The following ANKRD44 variants were observed in gnomAD, a reference collection of about 807,000 sequenced individuals.
ANKRD44 encodes serine/threonine-protein phosphatase 6 regulatory ankyrin repeat subunit B.
ANKRD44 carries 35 observed loss-of-function variants against 116.0 expected under a neutral mutation model. The observed-to-expected ratio is 0.30, with a 90% CI of 0.23 to 0.40. ANKRD44 has a LOEUF of 0.40. ANKRD44 is among the 10% of genes least tolerant of loss of function. The probability of loss-of-function intolerance (pLI) is 1.00; values close to 1 mark genes in which losing one functional copy is unlikely to be tolerated. For synonymous variants in ANKRD44, 435 were observed against 461.8 expected, an observed-to-expected ratio of 0.94 and a Z score of 0.74; for missense variants, 1,014 against 1,242.6, an observed-to-expected ratio of 0.82 and a Z score of 2.77.
chr2:197,241,082 C>T (rs2082080939), intron 1 of ANKRD44, among the ~76,000 whole-genome samples: 2 of 152,064 alleles, frequency 1.3e-5, no homozygotes, highest in Admixed American at 1.3e-4. Flanking sequence ...CACATCTTCT[C>T]TCTTTTTGGC....
At chr2:197,024,945 T>A (rs1413256334) in intron 17 of ANKRD44, among the ~76,000 whole-genome samples, 2 of 152,220 alleles carry the variant, frequency 1.3e-5, no homozygotes, top group African/African-American at 4.8e-5. Context: ...TCTCTTTTCA[T>A]TTGCCCTCAT....
intron 16 of ANKRD44, among the ~76,000 whole-genome samples, chr2:197,027,355 C>G (rs1016660272): frequency 2.0e-5 from 3 of 152,080 alleles, no homozygotes; most frequent in African/African-American, 4.8e-5. Flanking sequence ...GAGCCAGACT[C>G]TGTCTCAAGA....
intron 15 of ANKRD44, 138 bp from the exon 16 acceptor site, chr2:197,078,952 GT>G: frequency 1.7e-6 from 1 of 598,548 alleles, no homozygotes; most frequent in Non-Finnish European, 2.6e-6. Flanking sequence ...CAGCAATGAA[GT>G]TTTATGTGTT....
chr2:197,183,243 G>A (rs536836961), intron 2 of ANKRD44, among the ~76,000 whole-genome samples: 5 of 152,272 alleles, frequency 3.3e-5, no homozygotes, highest in African/African-American at 9.6e-5. Flanking sequence ...AAAGCGTGGA[G>A]AGGTGAGGGC....
At chr2:197,187,238 G>A in intron 1 of ANKRD44, 132 bp from the exon 2 acceptor site, 1 of 803,702 alleles carries the variant, frequency 1.2e-6, no homozygotes, top group Admixed American at 2.2e-5. Flanking sequence ...AGATGAATAA[G>A]ACTCAGACCA....
chr2:197,170,181 C>T (rs1227094181), intron 2 of ANKRD44, among the ~76,000 whole-genome samples: 1 of 85,826 alleles, frequency 1.2e-5, no homozygotes, highest in Non-Finnish European at 2.3e-5. Flanking sequence ...TAGAACAAGA[C>T]CCTGTTTCCA....
chr2:197,005,859 A>C lies in ANKRD44; in HGVS notation c.2182T>G (p.Ser728Ala). ...CCTCTGGAATCTTTACAGAGAATTG[A>C]CACTTCTTGTTCCAGCAGCATTTGC... is the stretch of plus-strand genomic sequence containing the variant. ...CVQMLLEQEV[S>A]ILCKDSRGRT... The change falls in exon 21 of 28, where the codon TCA becomes GCA. Residue 728 changes from serine to alanine, a missense_variant. Ser to Ala is a moderately conservative substitution (Grantham distance 99, BLOSUM62 1). Coordinates refer to ENST00000282272, the MANE Select transcript of ANKRD44 (RefSeq NM_001195144.2). 1 of 1,614,252 alleles carries C rather than the reference A, an allele frequency of 6.2e-7. No individual in the cohort carries two copies. Among genetic ancestry groups the C allele is most frequent in the Non-Finnish European group, 8.5e-7 (1 of 1,180,042 alleles).
At chr2:197,072,622 T>C (rs534369719) in intron 16 of ANKRD44, among the ~76,000 whole-genome samples, 127 of 152,334 alleles carry the variant, frequency 8.3e-4, no homozygotes, top group African/African-American at 3.0e-3. Flanking sequence ...GTATTTCACT[T>C]GTTCAACAAC....
At chr2:197,271,693 C>T (rs930984751) in intron 1 of ANKRD44, among the ~76,000 whole-genome samples, 9 of 151,956 alleles carry the variant, frequency 5.9e-5, no homozygotes, top group South Asian at 2.1e-4. Context: ...TGGAGTGCAG[C>T]CTCAACCTCC....
intron 2 of ANKRD44, among the ~76,000 whole-genome samples, chr2:197,185,498 A>G (rs117019911): frequency 0.02 from 2,981 of 152,310 alleles, 49 homozygotes; most frequent in South Asian, 0.036. Flanking sequence ...GACTTTAAAG[A>G]GAACTCCTCT....
At chr2:197,006,656 A>G (rs560907644) in intron 20 of ANKRD44, among the ~76,000 whole-genome samples, 4 of 152,322 alleles carry the variant, frequency 2.6e-5, no homozygotes, top group Non-Finnish European at 5.9e-5. Flanking sequence ...CTTGTTGTAC[A>G]GCACACAGGA....
chr2:197,157,351 C>G (rs1464861892), intron 2 of ANKRD44, among the ~76,000 whole-genome samples: 1 of 152,114 alleles, frequency 6.6e-6, no homozygotes, highest in East Asian at 1.9e-4. Context: ...AAAGAATGGC[C>G]TGTTGGCTTA....
rs2083145692 is a variant in ANKRD44, at chr2:197,278,109, G to A, written c.27+32469C>T. Among the ~76,000 whole-genome samples, 8 of 152,080 alleles carry A rather than the reference G, an allele frequency of 5.3e-5. No individual in the cohort carries two copies. The South Asian group carries it at 1.7e-3, about 31-fold the overall frequency. ...AAGGCAGCAAATTAGCTAATAGTGA[G>A]TGACTGCAGCAATCAGGACAGTATC... On this transcript the variant is annotated intron_variant, in intron 1 of 27. Coordinates refer to ENST00000282272, the MANE Select transcript of ANKRD44 (RefSeq NM_001195144.2).
At position 197,110,844 on chromosome 2, in the gene ANKRD44, T is replaced by C. The variant is rs761256455; in HGVS notation, c.907A>G (p.Ser303Gly). Residue 303 changes from serine (S) to glycine (G), a missense_variant and splice_region_variant, in exon 9 of 28, where the codon AGT (serine) becomes GGT (glycine). Transcript: ENST00000282272. ...VNNGADVNIQ[S>G]KDGKSPLHMT... ...TGCAGTGGACTTTTGCCATCTTTAC[T>C]CTAAAAAAAAGAGAGGGAGAGAAAA... The C allele has an allele frequency of 9.3e-6, 15 of 1,613,340 alleles. No homozygotes were observed. In the South Asian group the frequency reaches 1.5e-4, roughly 17 times the overall value.
At chr2:197,039,680 CGTGTGTGTGTGTGTGTGTGT>C (rs10535447) in intron 16 of ANKRD44, among the ~76,000 whole-genome samples, 25 of 141,554 alleles carry the variant, frequency 1.8e-4, no homozygotes, top group African/African-American at 5.3e-4. Flanking sequence ...TGTGTGTGTG[CGTGTGTGTGTGTGTGTGTGT>C]GTGTGTGTGT....
intron 16 of ANKRD44, among the ~76,000 whole-genome samples, chr2:197,038,440 A>T (rs2076847277): frequency 6.6e-6 from 1 of 152,240 alleles, no homozygotes; most frequent in South Asian, 2.1e-4. Flanking sequence ...ATAACTGAAA[A>T]ATGGTCTAGG....
At chr2:197,265,470 C>T (rs1433264331) in intron 1 of ANKRD44, among the ~76,000 whole-genome samples, 6 of 152,150 alleles carry the variant, frequency 3.9e-5, no homozygotes, top group Admixed American at 2.0e-4. Flanking sequence ...TGGTCTCGAA[C>T]TCTTGACCTC....
chr2:197,205,091 T>A (rs1193546274), intron 1 of ANKRD44, among the ~76,000 whole-genome samples: 2 of 152,234 alleles, frequency 1.3e-5, no homozygotes, highest in African/African-American at 2.4e-5. Context: ...AGCTCCCAAT[T>A]GTGGCTGCAC....
chr2:197,052,644 C>G (rs962333729), intron 16 of ANKRD44, among the ~76,000 whole-genome samples: 5 of 152,084 alleles, frequency 3.3e-5, no homozygotes, highest in Admixed American at 1.3e-4. Flanking sequence ...GTATATAGCT[C>G]TGCCAAATAA....
Sources: allele counts gnomAD v4.1 joint callset (sites outside exome capture counted in the v4.1 genomes callset), GRCh38; gene constraint gnomAD v4.1.1; transcripts MANE v1.5; gene names NCBI Gene and HGNC (gene_info 2026-07-23, HGNC 2026-07-21).